PTPRD: variants seen among roughly 807,000 people sequenced by gnomAD.
PTPRD encodes the protein receptor-type tyrosine-protein phosphatase delta.
PTPRD carries 34 observed loss-of-function variants against 214.5 expected under a neutral mutation model. The ratio of observed to expected loss-of-function variants is 0.16; its 90% CI spans 0.12 to 0.21. PTPRD has a LOEUF of 0.21. PTPRD is among the 10% of genes least tolerant of loss of function. PTPRD has a pLI of 1.00. For synonymous variants in PTPRD, 1,128 were observed against 845.7 expected (o/e 1.33, Z -5.79); for missense variants, 2,545 against 2,398.7 (o/e 1.06, Z -1.27).
chr9:10,031,221 G>A (rs909855186), intron 4 of PTPRD, among the ~76,000 whole-genome samples: 3 of 152,054 alleles, frequency 2.0e-5, no homozygotes, highest in Non-Finnish European at 2.9e-5. Flanking sequence ...ACAGCTGGGT[G>A]ACCTGTGAAA....
chr9:8,598,480 A>C (rs536691962), intron 14 of PTPRD, among the ~76,000 whole-genome samples: 8 of 152,148 alleles, frequency 5.3e-5, no homozygotes, highest in African/African-American at 1.9e-4. Context: ...ATAAATAAAT[A>C]AATAAATAAA....
At chr9:9,406,064 A>C (rs577271830) in intron 8 of PTPRD, among the ~76,000 whole-genome samples, 5 of 152,028 alleles carry the variant, frequency 3.3e-5, no homozygotes, top group Non-Finnish European at 5.9e-5. Flanking sequence ...TAATGTTAAA[A>C]TTTACCTTTG....
At chr9:8,730,792 T>C (rs2098648708) in intron 12 of PTPRD, among the ~76,000 whole-genome samples, 1 of 152,204 alleles carries the variant, frequency 6.6e-6, no homozygotes, top group Admixed American at 6.5e-5. Context: ...GAGCACTACC[T>C]AAACCACAAA....
At chr9:9,307,080 C>T (rs1957374234) in intron 9 of PTPRD, among the ~76,000 whole-genome samples, 1 of 152,090 alleles carries the variant, frequency 6.6e-6, no homozygotes, top group Admixed American at 6.6e-5. Context: ...AATTGATGTG[C>T]CTGAGACATT....
chr9:9,946,724 C>A (rs2092614583), intron 4 of PTPRD, among the ~76,000 whole-genome samples: 1 of 152,104 alleles, frequency 6.6e-6, no homozygotes, highest in South Asian at 2.1e-4. Context: ...CAGAGACCCT[C>A]TAATGTAGTA....
At position 9,640,339 on chromosome 9, in the gene PTPRD, G is replaced by T. The variant is rs981689269; in HGVS notation, c.-286-65558C>A. 5.3e-5 allele frequency among the ~76,000 whole-genome samples: 8 copies of T among 152,310 alleles called. No homozygotes were observed. In the South Asian group the frequency reaches 1.4e-3, roughly 28 times the overall value. On this transcript the variant is annotated intron_variant, in intron 7 of 45. Coordinates refer to ENST00000381196, the MANE Select transcript of PTPRD (RefSeq NM_002839.4). ...GAGCCAATGTAAGATCCTAAGTCTG[G>T]TGTAGTCATTTTATGCATTTAGGGA...
intron 26 of PTPRD, among the ~76,000 whole-genome samples, chr9:8,494,262 T>C (rs939957138): frequency 2.6e-5 from 4 of 152,160 alleles, no homozygotes; most frequent in African/African-American, 9.7e-5. Flanking sequence ...TATGACAGTT[T>C]CTGGGAACAT....
At chr9:10,302,177 G>A (rs1241458527) in intron 3 of PTPRD, among the ~76,000 whole-genome samples, 1 of 152,174 alleles carries the variant, frequency 6.6e-6, no homozygotes, top group African/African-American at 2.4e-5. Flanking sequence ...AGCTTCATAA[G>A]TGAAGGAGAA....
At chr9:9,497,679 C>T (rs1277537083) in intron 8 of PTPRD, among the ~76,000 whole-genome samples, 5 of 152,098 alleles carry the variant, frequency 3.3e-5, no homozygotes, top group African/African-American at 1.2e-4. Flanking sequence ...GGAACATTAT[C>T]TCATTTATAG....
chr9:10,569,360 G>C (rs1307031670), intron 2 of PTPRD, among the ~76,000 whole-genome samples: 1 of 152,090 alleles, frequency 6.6e-6, no homozygotes, highest in Non-Finnish European at 1.5e-5. Context: ...ACCTACACCA[G>C]TATTCCCGGT....
intron 2 of PTPRD, among the ~76,000 whole-genome samples, chr9:10,400,917 TC>T (rs1458662981): frequency 2.0e-5 from 3 of 151,610 alleles, no homozygotes; most frequent in Non-Finnish European, 4.4e-5. Context: ...TTCCTCCAAT[TC>T]CTTTCTTTAC....
intron 33 of PTPRD, among the ~76,000 whole-genome samples, chr9:8,450,827 G>A (rs1289957713): frequency 6.6e-6 from 1 of 152,142 alleles, no homozygotes; most frequent in Admixed American, 6.5e-5. Context: ...ATCAATAGAA[G>A]CCATTTTCAA....
intron 9 of PTPRD, among the ~76,000 whole-genome samples, chr9:9,223,846 C>A (rs2099957726): frequency 6.6e-6 from 1 of 151,954 alleles, no homozygotes; most frequent in South Asian, 2.1e-4. Flanking sequence ...ATTACATATT[C>A]ATTAGCTTTC....
At chr9:9,810,744 C>T (rs139573669) in intron 5 of PTPRD, among the ~76,000 whole-genome samples, 2,293 of 151,994 alleles carry the variant, frequency 0.015, 32 homozygotes, top group Non-Finnish European at 0.023. Context: ...ATACTGCAAC[C>T]CATGAATCAA....
At chr9:10,163,028 TAGAG>T (rs1564237697) in intron 3 of PTPRD, among the ~76,000 whole-genome samples, 1 of 150,528 alleles carries the variant, frequency 6.6e-6, no homozygotes, top group Non-Finnish European at 1.5e-5. Context: ...TCTCTCTATA[TAGAG>T]AGAAAGAGAA....
At chr9:8,633,529 C>G (rs1266400088) in intron 13 of PTPRD, 71 bp from the exon 14 acceptor site, 1 of 1,544,804 alleles carries the variant, frequency 6.5e-7, no homozygotes, top group Non-Finnish European at 8.8e-7. Flanking sequence ...GCTCTCAATA[C>G]AGTGGTGGAT....
intron 7 of PTPRD, among the ~76,000 whole-genome samples, chr9:9,616,101 G>T (rs2094842495): frequency 6.6e-6 from 1 of 152,178 alleles, no homozygotes; most frequent in South Asian, 2.1e-4. Context: ...TCCTGGTTCT[G>T]CCAAATTGAT....
At chr9:9,469,482 T>C (rs2094445438) in intron 8 of PTPRD, among the ~76,000 whole-genome samples, 2 of 152,136 alleles carry the variant, frequency 1.3e-5, no homozygotes, top group African/African-American at 4.8e-5. Context: ...TCTACTGAGC[T>C]TGAGACAGAG....
At chr9:9,380,104 T>C (rs2061787836) in intron 9 of PTPRD, among the ~76,000 whole-genome samples, 1 of 152,040 alleles carries the variant, frequency 6.6e-6, no homozygotes, top group Non-Finnish European at 1.5e-5. Context: ...AACCTTTGAG[T>C]GTCTTACCAT....
Sources: allele counts gnomAD v4.1 joint callset (sites outside exome capture counted in the v4.1 genomes callset), GRCh38; gene constraint gnomAD v4.1.1; transcripts MANE v1.5; gene names NCBI Gene and HGNC (gene_info 2026-07-23, HGNC 2026-07-21).